CALN1: variants seen among roughly 807,000 people sequenced by gnomAD.
The protein encoded by CALN1 is calcium-binding protein 8.
A neutral mutation model predicts 30.6 loss-of-function variants in CALN1; 17 were observed. That is an observed-to-expected ratio of 0.56 (90% confidence interval 0.38 to 0.83). The LOEUF (loss-of-function observed/expected upper bound fraction) is 0.83. CALN1 is among the 40% of genes least tolerant of loss of function. CALN1 has a pLI of 0.00. For synonymous variants in CALN1, 156 were observed against 131.4 expected (o/e 1.19, Z -1.28); for missense variants, 291 against 354.9 (o/e 0.82, Z 1.45).
intron 2 of CALN1, among the ~76,000 whole-genome samples, chr7:72,313,646 C>G (rs1424352627): frequency 6.6e-6 from 1 of 152,158 alleles, no homozygotes; most frequent in Non-Finnish European, 1.5e-5. Context: ...ATCCTCCCAC[C>G]TTGGCCTCCT....
intron 5 of CALN1, among the ~76,000 whole-genome samples, chr7:71,872,024 G>T (rs563569846): frequency 2.6e-5 from 4 of 152,230 alleles, no homozygotes; most frequent in African/African-American, 9.6e-5. Flanking sequence ...AATGCCTAAC[G>T]CAATAAGATA....
chr7:72,141,001 G>C (rs1444096478), intron 3 of CALN1, among the ~76,000 whole-genome samples: 1 of 152,314 alleles, frequency 6.6e-6, no homozygotes, highest in African/African-American at 2.4e-5. Context: ...CTCCTAGTGT[G>C]GACCATGGCA....
At chr7:72,118,204 G>T (rs535992292) in intron 3 of CALN1, among the ~76,000 whole-genome samples, 2 of 152,240 alleles carry the variant, frequency 1.3e-5, no homozygotes, top group African/African-American at 4.8e-5. Context: ...CATTCTTAAA[G>T]AAGGGCATTT....
chr7:72,317,311 G>A (rs1800555000), intron 2 of CALN1, among the ~76,000 whole-genome samples: 1 of 151,716 alleles, frequency 6.6e-6, no homozygotes, highest in Non-Finnish European at 1.5e-5. Context: ...AGGAGGGAAG[G>A]TGTTTCCAAA....
At chr7:72,117,787 A>G (rs1164950525) in intron 3 of CALN1, among the ~76,000 whole-genome samples, 1 of 151,978 alleles carries the variant, frequency 6.6e-6, no homozygotes, top group East Asian at 1.9e-4. Context: ...GCGAAACTCC[A>G]TCTTTACTAA....
At chr7:71,842,824 T>C (rs1790012224) in intron 5 of CALN1, among the ~76,000 whole-genome samples, 1 of 152,212 alleles carries the variant, frequency 6.6e-6, no homozygotes, top group South Asian at 2.1e-4. Flanking sequence ...GCACTGCCTA[T>C]CTTCGGGGTT....
chr7:72,058,251 G>A (rs1397153928), intron 4 of CALN1, among the ~76,000 whole-genome samples: 2 of 150,504 alleles, frequency 1.3e-5, no homozygotes, highest in East Asian at 3.9e-4. Context: ...AGTAAAAAGT[G>A]GGAGTAAATA....
intron 5 of CALN1, among the ~76,000 whole-genome samples, chr7:71,867,604 T>G (rs1791664803): frequency 6.6e-6 from 1 of 152,010 alleles, no homozygotes; most frequent in African/African-American, 2.4e-5. Flanking sequence ...CCAGCTAATT[T>G]TGTTATTTTT....
At chr7:72,293,925 C>T (rs1307082582) in intron 2 of CALN1, among the ~76,000 whole-genome samples, 4 of 151,954 alleles carry the variant, frequency 2.6e-5, no homozygotes, top group Admixed American at 6.6e-5. Flanking sequence ...GGTGAAACCC[C>T]GCCTCTCCTT....
intron 2 of CALN1, among the ~76,000 whole-genome samples, chr7:72,283,039 A>T (rs1336182116): frequency 3.7e-5 from 5 of 135,866 alleles, no homozygotes; most frequent in African/African-American, 1.1e-4. Context: ...TGGGTGATCG[A>T]GGGAGACTCC....
In CALN1 at chr7:72,131,170, G is replaced by A. The variant is rs767227699; in HGVS notation, c.245-24876C>T. Among the ~76,000 whole-genome samples, 62 of 152,166 alleles carry A rather than the reference G, an allele frequency of 4.1e-4. 1 individual carries two copies. Among genetic ancestry groups the A allele is most frequent in the Non-Finnish European group, 1.0e-4 (7 of 68,036 alleles). On this transcript the variant is annotated intron_variant, in intron 3 of 6. Coordinates refer to ENST00000395275, the MANE Select transcript of CALN1 (RefSeq NM_031468.4). ...AAAAGCCAGCAGACCATTACAGCACGAGGAGATAAGTACTATAATATCCAT... is the reference window on the plus strand; with the variant it reads ...AAAAGCCAGCAGACCATTACAGCACAAGGAGATAAGTACTATAATATCCAT...
chr7:72,402,905 G>C (rs1019541978), intron 2 of CALN1, among the ~76,000 whole-genome samples: 3 of 152,148 alleles, frequency 2.0e-5, no homozygotes, highest in Non-Finnish European at 2.9e-5. Context: ...AATTATTTGA[G>C]AATTGATTGA....
intron 5 of CALN1, among the ~76,000 whole-genome samples, chr7:71,937,245 G>A (rs910929735): frequency 2.0e-5 from 3 of 151,994 alleles, no homozygotes. Context: ...GGGAGACAGA[G>A]GTTGCAGTGA....
chr7:72,267,381 G>A (rs190659469), intron 3 of CALN1, among the ~76,000 whole-genome samples: 2 of 152,302 alleles, frequency 1.3e-5, no homozygotes, highest in East Asian at 3.9e-4. Flanking sequence ...TTCCTGGGCT[G>A]CAGGGCACCT....
chr7:72,268,639 T>C (rs1796749377), intron 3 of CALN1, among the ~76,000 whole-genome samples: 2 of 152,066 alleles, frequency 1.3e-5, no homozygotes, highest in East Asian at 1.9e-4. Context: ...ACCCTGTCTC[T>C]ACAAAAAATT....
At chr7:72,467,433 C>G in the CALN1 span, among the ~76,000 whole-genome samples, 5 of 152,128 alleles carry the variant, frequency 3.3e-5, no homozygotes, top group Admixed American at 1.3e-4. Flanking sequence ...CCCTGGAGCT[C>G]GGCCAGGACT....
chr7:72,128,614 T>A (rs1808931991), intron 3 of CALN1, among the ~76,000 whole-genome samples: 1 of 152,222 alleles, frequency 6.6e-6, no homozygotes, highest in South Asian at 2.1e-4. Context: ...CTCATGCCTG[T>A]AATCCCAGCA....
chr7:72,039,277 G>A (rs1038618572), intron 4 of CALN1, among the ~76,000 whole-genome samples: 16 of 152,312 alleles, frequency 1.1e-4, no homozygotes, highest in African/African-American at 3.6e-4. Context: ...AGAGGACTCA[G>A]CAAAGGGCTT....
At chr7:72,398,761 A>T (rs1194400128) in intron 2 of CALN1, among the ~76,000 whole-genome samples, 1 of 152,236 alleles carries the variant, frequency 6.6e-6, no homozygotes, top group Non-Finnish European at 1.5e-5. Flanking sequence ...ACATACGCAC[A>T]CACCTTGCTC....
Sources: allele counts gnomAD v4.1 joint callset (sites outside exome capture counted in the v4.1 genomes callset), GRCh38; gene constraint gnomAD v4.1.1; transcripts MANE v1.5; gene names NCBI Gene and HGNC (gene_info 2026-07-23, HGNC 2026-07-21).